NCLN: variants seen among roughly 807,000 people sequenced by gnomAD.
NCLN encodes BOS complex subunit NCLN.
In NCLN, 34 loss-of-function variants were observed where a neutral mutation model predicts 69.5. The observed-to-expected ratio is 0.49, with a 90% CI of 0.37 to 0.65. The LOEUF (loss-of-function observed/expected upper bound fraction) is 0.65. Among genes scored for constraint, NCLN ranks in the 30% least tolerant of loss-of-function variants. NCLN has a pLI of 0.00. For missense variants in NCLN, 710 were observed against 804.8 expected (o/e 0.88, Z 1.42); for synonymous variants, 393 against 358.3 (o/e 1.10, Z -1.09).
At chr19:3,206,681 C>G (rs1238697366) in intron 12 of NCLN, among the ~76,000 whole-genome samples, 1 of 152,198 alleles carries the variant, frequency 6.6e-6, no homozygotes, top group Non-Finnish European at 1.5e-5. Flanking sequence ...ACTAAAAATA[C>G]AAAAATTAGG....
In NCLN at chr19:3,206,008, C is replaced by T; in HGVS notation, c.1278C>T (p.Ile426=). 1.2e-6 allele frequency: 2 copies of T among 1,613,512 alleles called. No individual in the cohort carries two copies. The highest frequency in any genetic ancestry group is 1.1e-5 in the South Asian group (1 of 91,068). The change falls in exon 10 of 15, where the codon ATC becomes ATT. Residue 426 remains isoleucine (I), a synonymous_variant. Transcript: ENST00000246117. ...RIIAEALTRV[I]YNLTEKGTPP... ...TTGCAGAGGCCCTGACTCGAGTCAT[C>T]TACAACCTGACAGAGAAGGTGAGCC...
intron 9 of NCLN, 122 bp downstream of exon 9, chr19:3,204,873 A>AGGGGCCGGTGCGTGGCC (rs1916225215): frequency 2.7e-6 from 3 of 1,104,526 alleles, no homozygotes; most frequent in Non-Finnish European, 3.6e-6. Context: ...GCTGCGAGGA[A>AGGGGCCGGTGCGTGGCC]GGGGCCGGTG....
At chr19:3,186,516 T>C (rs1406402553) in intron 1 of NCLN, among the ~76,000 whole-genome samples, 1 of 151,756 alleles carries the variant, frequency 6.6e-6, no homozygotes, top group South Asian at 2.1e-4. Flanking sequence ...CTAAGTCCCC[T>C]CTCTCCTGTC....
In NCLN at chr19:3,185,990, C is replaced by T. The variant is rs780358342; in HGVS notation, c.-41C>T. The T allele has an allele frequency of 2.1e-4, 298 of 1,447,822 alleles. No homozygotes were observed. Among genetic ancestry groups the T allele is most frequent in the Non-Finnish European group, 2.7e-4 (292 of 1,097,646 alleles). 89.7% of individuals were successfully genotyped at this position (1,447,822 alleles called of 1,614,324 possible). On this transcript the variant is annotated 5_prime_UTR_variant, in exon 1 of 15. Transcript: ENST00000246117. ...GCGGGAGCCGCCGCCGCCGCCGTCC[C>T]GTCCCAGCTGCCGCCCCGCGCGGCC...
At position 3,192,476 on chromosome 19, in the gene NCLN, G is replaced by A; in HGVS notation, c.191G>A (p.Arg64Gln). ...CCCGCCCCTGTGCCCACAGGCACAC[G>A]GAATGCAGTGCTGAACACGGAGGCG... ...YDLQGQPYGT[R>Q]NAVLNTEART... Residue 64 changes from arginine to glutamine, a missense_variant, in exon 2 of 15, where the codon CGG (arginine) becomes CAG (glutamine). Transcript: ENST00000246117. 7 of 1,594,114 alleles carry A rather than the reference G, an allele frequency of 4.4e-6. No homozygotes were observed. Among genetic ancestry groups the A allele is most frequent in the South Asian group, 2.3e-5 (2 of 88,690 alleles).
Position 3,207,858 on chromosome 19 carries a change from G to T in NCLN, c.*170G>T. 1.7e-6 allele frequency: 1 copy of T among 601,402 alleles called. No homozygotes were observed. Among genetic ancestry groups the T allele is most frequent in the Non-Finnish European group, 3.0e-6 (1 of 334,834 alleles). The allele number at this position is 601,402 out of a possible 1,614,324, so 37.3% of individuals were successfully genotyped here. ...AGAGCTTTTTTCTGTTGCTCTCCGAGACTGGGGGGGGATTGTTTCTTCTTT... is the reference window on the plus strand; with the variant it reads ...AGAGCTTTTTTCTGTTGCTCTCCGATACTGGGGGGGGATTGTTTCTTCTTT... On this transcript the variant is annotated 3_prime_UTR_variant, in exon 15 of 15. Coordinates refer to ENST00000246117, the MANE Select transcript of NCLN (RefSeq NM_020170.4).
At chr19:3,204,812 T>C in intron 9 of NCLN, 61 bp downstream of exon 9, 1 of 1,371,866 alleles carries the variant, frequency 7.3e-7, no homozygotes, top group Non-Finnish European at 9.4e-7. Flanking sequence ...GAGCCACTGG[T>C]CGCAACTGCA....
At chr19:3,192,747 C>T (rs1395795977) in intron 2 of NCLN, 87 bp downstream of exon 2, 11 of 1,243,760 alleles carry the variant, frequency 8.8e-6, no homozygotes, top group African/African-American at 1.6e-5. Flanking sequence ...CGGGTCACTT[C>T]GCCTCTCTGA....
chr19:3,198,175 G>C (rs540496166), intron 4 of NCLN, among the ~76,000 whole-genome samples: 2 of 152,160 alleles, frequency 1.3e-5, no homozygotes, highest in African/African-American at 4.8e-5. Context: ...CCCACAAACA[G>C]TTATCCTCCT....
rs761039410 is a variant in NCLN, at chr19:3,207,501, G to A, written c.1632+32G>A. The A allele has an allele frequency of 2.5e-6, 4 of 1,611,002 alleles. No individual in the cohort carries two copies. In the African/African-American group the frequency reaches 4.0e-5, roughly 16 times the overall value. On this transcript the variant is annotated intron_variant, in intron 14 of 14. Transcript: ENST00000246117. ...AGTGCCCAGGCTCAGGTGGGGCAGG[G>A]GCCGCCCGCCGGGAGGAGCTGGGCT...
chr19:3,204,092 A>T lies in NCLN; in HGVS notation c.977A>T (p.Lys326Met). ...RGSSLHLHVS[K>M]PPREGTLQHA... ...AGCAGCCTGCACCTGCACGTGTCCA[A>T]GCCGCCTCGGGAGGGCACCCTGCAG... Residue 326 changes from lysine (K) to methionine (M), a missense_variant, in exon 8 of 15, where the codon AAG (lysine) becomes ATG (methionine). Lys to Met is a moderately conservative substitution (Grantham distance 95). Coordinates refer to ENST00000246117, the MANE Select transcript of NCLN (RefSeq NM_020170.4). 6.5e-7 allele frequency: 1 copy of T among 1,536,202 alleles called. No homozygotes were observed. The highest frequency in any genetic ancestry group is 8.7e-7 in the Non-Finnish European group (1 of 1,143,676).
At chr19:3,201,949 C>T (rs1916136245) in intron 6 of NCLN, among the ~76,000 whole-genome samples, 1 of 152,026 alleles carries the variant, frequency 6.6e-6, no homozygotes. Context: ...CCGGATTTTT[C>T]GCTGGGGGTG....
At chr19:3,196,138 G>C in intron 3 of NCLN, 45 bp from the exon 4 acceptor site, 1 of 1,424,518 alleles carries the variant, frequency 7.0e-7, no homozygotes, top group South Asian at 1.3e-5. Context: ...CCCTGGCTGG[G>C]GCCCTGGCTG....
At position 3,208,038 on chromosome 19, in the gene NCLN, GC is replaced by G. The variant is rs1916323874; in HGVS notation, c.*353del. 1 of 278,460 alleles carries G rather than the reference GC, an allele frequency of 3.6e-6. No individual in the cohort carries two copies. The allele number at this position is 278,460 out of a possible 1,614,324, so 17.2% of individuals were successfully genotyped here. ...TAAAGAGGAGACGCCGGGACCCCCT[GC>G]CCGATCGCGCGCGGCCTCCGCCCAC... On this transcript the variant is annotated 3_prime_UTR_variant, in exon 15 of 15. Transcript: ENST00000246117.
At chr19:3,197,615 G>C (rs1916000331) in intron 4 of NCLN, among the ~76,000 whole-genome samples, 1 of 132,992 alleles carries the variant, frequency 7.5e-6, no homozygotes. Flanking sequence ...CTAATCTTTT[G>C]TAATTCTTTT....
At chr19:3,190,134 G>A (rs79361684) in intron 1 of NCLN, among the ~76,000 whole-genome samples, 16,580 of 152,242 alleles carry the variant, frequency 0.11, 1,179 homozygotes, top group Middle Eastern at 0.18. Context: ...GGGGACAGGT[G>A]GGGTGCAGGG....
At chr19:3,198,923 C>T (rs746389218) in intron 5 of NCLN, 26 bp downstream of exon 5, 272 of 1,412,240 alleles carry the variant, frequency 1.9e-4, no homozygotes, top group Non-Finnish European at 1.6e-4. Flanking sequence ...CCCATTCCCC[C>T]CACCCCACAG....
rs760855290 is a variant in NCLN, at chr19:3,193,398, G to A, written c.490G>A (p.Ala164Thr). 12 of 1,608,916 alleles carry A rather than the reference G, an allele frequency of 7.5e-6. No individual in the cohort carries two copies. The highest frequency in any genetic ancestry group is 6.6e-5 in the South Asian group (6 of 91,008). Residue 164 changes from alanine (A) to threonine (T), a missense_variant, in exon 3 of 15, where the codon GCC becomes ACC. By Grantham distance (58) the Ala-to-Thr change is moderately conservative. Coordinates refer to ENST00000246117, the MANE Select transcript of NCLN (RefSeq NM_020170.4). ...SIYKQTQAAS[A>T]SQGSASAAEV... is the part of the protein sequence containing the mutation. ...CTACAAGCAGACCCAGGCTGCCTCC[G>A]CCTCCCAGGGCTCCGCCTCTGCTGC...
intron 4 of NCLN, among the ~76,000 whole-genome samples, chr19:3,197,949 C>T (rs533750490): frequency 1.3e-5 from 2 of 152,330 alleles, no homozygotes; most frequent in South Asian, 2.1e-4. Flanking sequence ...GGCACACAGC[C>T]ATGCTGATGC....
Sources: gnomAD v4.1 joint callset for allele counts (sites outside exome capture counted in the v4.1 genomes callset) on GRCh38, gnomAD v4.1.1 for gene constraint, MANE v1.5 for transcripts, NCBI Gene and HGNC (gene_info 2026-07-23, HGNC 2026-07-21) for gene names.